CALN1: variants seen among roughly 807,000 people sequenced by gnomAD.
CALN1 encodes calneuron 1, also known as calcium-binding protein 8.
A neutral mutation model predicts 30.6 loss-of-function variants in CALN1; 17 were observed. The ratio of observed to expected loss-of-function variants is 0.56; its 90% CI spans 0.38 to 0.83. The LOEUF (loss-of-function observed/expected upper bound fraction) is 0.83, where lower values mean the gene tolerates loss of function less well. CALN1 is among the 40% of genes least tolerant of loss of function. The probability of loss-of-function intolerance (pLI) is 0.00; values close to 1 mark genes in which losing one functional copy is unlikely to be tolerated. For synonymous variants in CALN1, 156 were observed against 131.4 expected, an observed-to-expected ratio of 1.19 and a Z score of -1.28; for missense variants, 291 against 354.9, an observed-to-expected ratio of 0.82 and a Z score of 1.45.
intron 6 of CALN1, among the ~76,000 whole-genome samples, chr7:71,796,777 C>T (rs1404819727): frequency 6.6e-6 from 1 of 152,192 alleles, no homozygotes; most frequent in East Asian, 1.9e-4. Flanking sequence ...GTCCTTGGCA[C>T]AGTGGAAGCT....
chr7:72,104,323 A>AG (rs1489603834), intron 4 of CALN1: 1 of 152,248 alleles, frequency 6.6e-6, no homozygotes, highest in Admixed American at 6.5e-5. Context: ...TTGCAGGGAC[A>AG]GGGGGATTGG....
At chr7:71,859,477 G>T (rs1435530525) in intron 5 of CALN1, among the ~76,000 whole-genome samples, 3 of 152,160 alleles carry the variant, frequency 2.0e-5, no homozygotes. Context: ...CCCGTCAGAG[G>T]CCTCTAGGAA....
chr7:71,819,282 C>A (rs1453928481), intron 5 of CALN1, among the ~76,000 whole-genome samples: 1 of 150,432 alleles, frequency 6.6e-6, no homozygotes, highest in Admixed American at 6.6e-5. Context: ...GATCTTGGCT[C>A]ACTGCAACCT....
chr7:71,798,808 T>A (rs1265371398), intron 6 of CALN1, among the ~76,000 whole-genome samples: 1 of 151,576 alleles, frequency 6.6e-6, no homozygotes, highest in Non-Finnish European at 1.5e-5. Flanking sequence ...GTATTTTTAG[T>A]AGAGATGGGG....
At chr7:72,423,943 AAAGAAAGAAGGG>A (rs1807708655) in intron 1 of CALN1, among the ~76,000 whole-genome samples, 1 of 131,510 alleles carries the variant, frequency 7.6e-6, no homozygotes, top group African/African-American at 2.9e-5. Context: ...GAAGAGAAAG[AAAGAAAGAAGGG>A]AGGGAGGGAG....
At chr7:72,396,726 A>C (rs1346012024) in intron 2 of CALN1, among the ~76,000 whole-genome samples, 1 of 152,050 alleles carries the variant, frequency 6.6e-6, no homozygotes, top group African/African-American at 2.4e-5. Context: ...TCTTTGTTTT[A>C]ATTGTGAGGG....
chr7:71,822,188 C>A (rs1788633542), intron 5 of CALN1, among the ~76,000 whole-genome samples: 2 of 152,154 alleles, frequency 1.3e-5, no homozygotes, highest in Admixed American at 1.3e-4. Context: ...ATGGTAGAGT[C>A]TAATTCCATT....
chr7:72,499,907 T>A, the CALN1 span, among the ~76,000 whole-genome samples: 4 of 54,692 alleles, frequency 7.3e-5, 1 homozygote, highest in South Asian at 4.8e-4. Context: ...CTTTCTTTCT[T>A]TCTTTCTATC....
chr7:72,217,102 G>A (rs962543529), intron 3 of CALN1, among the ~76,000 whole-genome samples: 1 of 152,168 alleles, frequency 6.6e-6, no homozygotes, highest in African/African-American at 2.4e-5. Context: ...GAAAATACAA[G>A]AAAGGATTAA....
At chr7:71,963,920 T>C (rs552507232) in intron 5 of CALN1, among the ~76,000 whole-genome samples, 2 of 152,300 alleles carry the variant, frequency 1.3e-5, no homozygotes, top group South Asian at 4.1e-4. Context: ...CCTATGAAGT[T>C]TGGCTGAGGA....
intron 5 of CALN1, among the ~76,000 whole-genome samples, chr7:71,845,680 G>C (rs1445512539): frequency 1.3e-5 from 2 of 152,174 alleles, no homozygotes; most frequent in African/African-American, 4.8e-5. Flanking sequence ...CAGAGACTCT[G>C]GGGTGGCATC....
At chr7:71,940,859 G>A (rs942051202) in intron 5 of CALN1, among the ~76,000 whole-genome samples, 3 of 152,058 alleles carry the variant, frequency 2.0e-5, no homozygotes, top group Admixed American at 6.6e-5. Flanking sequence ...CAATCCACCC[G>A]CTTCAGCCTC....
intron 2 of CALN1, among the ~76,000 whole-genome samples, chr7:72,281,077 G>C (rs1158450161): frequency 6.6e-6 from 1 of 151,956 alleles, no homozygotes; most frequent in Non-Finnish European, 1.5e-5. Context: ...CCAGGAGGCA[G>C]AGGTTGCAGT....
At chr7:72,058,161 C>T (rs930192299) in intron 4 of CALN1, among the ~76,000 whole-genome samples, 10 of 152,098 alleles carry the variant, frequency 6.6e-5, no homozygotes, top group Admixed American at 4.6e-4. Context: ...AACACCTACA[C>T]GTGCTACCAA....
intron 6 of CALN1, among the ~76,000 whole-genome samples, chr7:71,805,313 G>A (rs535351183): frequency 1.3e-5 from 2 of 152,324 alleles, no homozygotes; most frequent in Non-Finnish European, 2.9e-5. Flanking sequence ...GATGAGGGGT[G>A]GGTTAGCAAG....
chr7:71,900,707 G>A (rs1217616951), intron 5 of CALN1, among the ~76,000 whole-genome samples: 1 of 152,174 alleles, frequency 6.6e-6, no homozygotes, highest in Non-Finnish European at 1.5e-5. Flanking sequence ...CCTGTGGTTG[G>A]CAACTTCCTT....
chr7:71,983,086 C>A (rs1388818648), intron 5 of CALN1, among the ~76,000 whole-genome samples: 2 of 152,188 alleles, frequency 1.3e-5, no homozygotes, highest in Non-Finnish European at 2.9e-5. Context: ...CTATGTAAAT[C>A]ATGCACTGCC....
At chr7:71,892,931 G>C (rs984963837) in intron 5 of CALN1, among the ~76,000 whole-genome samples, 7 of 151,984 alleles carry the variant, frequency 4.6e-5, no homozygotes, top group Admixed American at 3.3e-4. Context: ...GCATGTCCTA[G>C]CTTTTAGGAA....
chr7:72,103,827 G>A (rs1806881022), intron 4 of CALN1, among the ~76,000 whole-genome samples: 1 of 151,108 alleles, frequency 6.6e-6, no homozygotes, highest in South Asian at 2.1e-4. Context: ...CGTCCAGACA[G>A]AAGGAAGTGA....
Sources: gnomAD v4.1 joint callset for allele counts (sites outside exome capture counted in the v4.1 genomes callset) on GRCh38, gnomAD v4.1.1 for gene constraint, MANE v1.5 for transcripts, NCBI Gene and HGNC (gene_info 2026-07-23, HGNC 2026-07-21) for gene names.